CDK13: variants seen among roughly 807,000 people sequenced by gnomAD.
The protein encoded by CDK13 is cyclin-dependent kinase 13.
CDK13 carries 40 observed loss-of-function variants against 137.6 expected under a neutral mutation model. That is an observed-to-expected ratio of 0.29 (90% CI 0.23 to 0.38). CDK13 has a LOEUF of 0.38. Among genes scored for constraint, CDK13 ranks in the 10% least tolerant of loss-of-function variants. The probability of loss-of-function intolerance (pLI) is 1.00; values close to 1 mark genes in which losing one functional copy is unlikely to be tolerated. For missense variants in CDK13, 1,704 were observed against 1,951.8 expected (o/e 0.87, Z 2.39); for synonymous variants, 869 against 760.1 (o/e 1.14, Z -2.36).
chr7:40,065,236 C>G (rs1060818), intron 9 of CDK13, among the ~76,000 whole-genome samples: 17,092 of 151,754 alleles, frequency 0.11, 1,099 homozygotes, highest in Middle Eastern at 0.16. Context: ...ATACTATAGG[C>G]TAAATTCTCT....
intron 5 of CDK13, among the ~76,000 whole-genome samples, chr7:40,037,123 T>C (rs569778143): frequency 6.7e-4 from 102 of 152,356 alleles, no homozygotes; most frequent in Non-Finnish European, 3.4e-4. Flanking sequence ...ATCCCTCTTT[T>C]TTCCTCTAAA....
At chr7:40,034,187 AC>A (rs1785436364) in intron 5 of CDK13, among the ~76,000 whole-genome samples, 1 of 152,012 alleles carries the variant, frequency 6.6e-6, no homozygotes, top group Admixed American at 6.6e-5. Context: ...TTCACACTGA[AC>A]CTCCAGCTTG....
At position 39,969,714 on chromosome 7, in the gene CDK13, T is replaced by A. The variant is rs1316419969; in HGVS notation, c.1211+17862T>A. On this transcript the variant is annotated intron_variant, in intron 1 of 13. Transcript: ENST00000181839. ...CTTTGATTTTAGCCATTCTAGTGGA[T>A]GTGTATTGGTATCTCATTGTGGTTT... Among the ~76,000 whole-genome samples the A allele has an allele frequency of 3.3e-5, 5 of 152,222 alleles. No homozygotes were observed. In the East Asian group the frequency reaches 9.6e-4, roughly 29 times the overall value.
intron 9 of CDK13, chr7:40,072,896 G>T (rs1391072115): frequency 6.6e-6 from 1 of 152,118 alleles, no homozygotes; most frequent in Non-Finnish European, 1.5e-5. Context: ...GATGATGATG[G>T]TTATAGAAGT....
chr7:40,090,781 A>C (rs1240585723), intron 12 of CDK13, among the ~76,000 whole-genome samples: 1 of 152,214 alleles, frequency 6.6e-6, no homozygotes, highest in Non-Finnish European at 1.5e-5. Flanking sequence ...TGAAGCAGGA[A>C]AGATTGCTTG....
At chr7:40,073,893 CT>C (rs949573205) in intron 9 of CDK13, among the ~76,000 whole-genome samples, 2 of 140,032 alleles carry the variant, frequency 1.4e-5, no homozygotes, top group Non-Finnish European at 3.1e-5. Context: ...CCTGGCCTTT[CT>C]TTTTTTCCTT....
intron 7 of CDK13, among the ~76,000 whole-genome samples, chr7:40,053,366 T>A (rs1785935560): frequency 6.6e-6 from 1 of 152,186 alleles, no homozygotes; most frequent in Non-Finnish European, 1.5e-5. Flanking sequence ...AGTTAAAGGT[T>A]TCCAGTCACC....
rs780866053 is a variant in CDK13 at position 39,987,849 on chromosome 7, A to G, written c.1462A>G (p.Lys488Glu). The G allele has an allele frequency of 5.2e-5, 84 of 1,614,100 alleles. No homozygotes were observed. The highest frequency in any genetic ancestry group is 6.5e-5 in the Non-Finnish European group (77 of 1,180,052). Residue 488 changes from lysine to glutamate, a missense_variant, in exon 2 of 14, where the codon AAA becomes GAA. Transcript: ENST00000181839. ...KAAEAAAKAA[K>E]ASNTSTPTKG... ...TGCTGAGGCTGCTGCCAAGGCTGCAAAAGCTTCAAACACTTCTACACCTAC... is the reference window on the plus strand; with the variant it reads ...TGCTGAGGCTGCTGCCAAGGCTGCAGAAGCTTCAAACACTTCTACACCTAC...
At position 40,088,147 on chromosome 7, in the gene CDK13, T is replaced by C. The variant is rs766568233; in HGVS notation, c.3051T>C (p.Cys1017=). 2 of 1,613,848 alleles carry C rather than the reference T, an allele frequency of 1.2e-6. No homozygotes were observed. The highest frequency in any genetic ancestry group is 2.2e-5 in the East Asian group (1 of 44,870). Residue 1017 remains cysteine, a synonymous_variant, in exon 12 of 14, where the codon TGT becomes TGC. Coordinates refer to ENST00000181839, the MANE Select transcript of CDK13 (RefSeq NM_003718.5). The part of the protein sequence containing the change: ...PPPDLPLWQD[C]HELWSKKRRR... Reference sequence around the variant, plus strand: ...TCAGTCTCCCTTTATGGCAAGATTGTCATGAGTTATGGAGTAAAAAGCGAA... The same window carrying C: ...TCAGTCTCCCTTTATGGCAAGATTGCCATGAGTTATGGAGTAAAAAGCGAA...
At chr7:40,063,386 G>T (rs560174174) in intron 9 of CDK13, among the ~76,000 whole-genome samples, 1 of 152,202 alleles carries the variant, frequency 6.6e-6, no homozygotes, top group East Asian at 1.9e-4. Flanking sequence ...GATAAGACTG[G>T]CAAGGAAGAG....
intron 5 of CDK13, among the ~76,000 whole-genome samples, chr7:40,026,637 A>G (rs139915929): frequency 9.6e-4 from 146 of 152,366 alleles, no homozygotes; most frequent in African/African-American, 3.4e-3. Context: ...TACTTAAAGC[A>G]GTTTTTGTTC....
intron 1 of CDK13, among the ~76,000 whole-genome samples, chr7:39,958,653 A>G (rs1787501572): frequency 6.6e-6 from 1 of 152,074 alleles, no homozygotes; most frequent in Non-Finnish European, 1.5e-5. Flanking sequence ...ATATAGCATA[A>G]ATTGTTTGGC....
At chr7:39,988,925 TACAAAAA>T (rs1784398701) in intron 2 of CDK13, among the ~76,000 whole-genome samples, 1 of 151,266 alleles carries the variant, frequency 6.6e-6, no homozygotes, top group Non-Finnish European at 1.5e-5. Context: ...CTACTAAAAA[TACAAAAA>T]ACTTAGCTGG....
In CDK13 at chr7:39,983,593, T is replaced by C. The variant is rs536140222; in HGVS notation, c.1212-4006T>C. Among the ~76,000 whole-genome samples, 9 of 152,304 alleles carry C rather than the reference T, an allele frequency of 5.9e-5. No homozygotes were observed. The East Asian group carries it at 9.6e-4, about 16-fold the overall frequency. On this transcript the variant is annotated intron_variant, in intron 1 of 13. Transcript: ENST00000181839. ...ACTGATTGTAAATTTCAATTAAATATAGTTTATGTGTCTGAATGAAATTGA... is the reference window on the plus strand; with the variant it reads ...ACTGATTGTAAATTTCAATTAAATACAGTTTATGTGTCTGAATGAAATTGA...
At chr7:40,093,329 A>G in intron 13 of CDK13, 92 bp downstream of exon 13, 2 of 1,072,620 alleles carry the variant, frequency 1.9e-6, no homozygotes, top group Non-Finnish European at 2.6e-6. Context: ...GTTCAGTGAC[A>G]TTGCCAAAAG....
chr7:39,997,407 C>A, intron 2 of CDK13, 87 bp from the exon 3 acceptor site: 6 of 980,082 alleles, frequency 6.1e-6, no homozygotes, highest in Non-Finnish European at 9.5e-6. Context: ...ATATTCATGA[C>A]TATTGCTACT....
intron 1 of CDK13, chr7:39,984,052 C>A (rs1339786473): frequency 6.6e-6 from 1 of 152,078 alleles, no homozygotes; most frequent in Admixed American, 6.6e-5. Flanking sequence ...ACCTAATCAT[C>A]ATTTTGTTTT....
chr7:39,990,865 A>G lies in CDK13; in HGVS notation c.1871+2607A>G, dbSNP rs544335576. Among the ~76,000 whole-genome samples the G allele has an allele frequency of 4.6e-5, 7 of 152,392 alleles. No homozygotes were observed. The East Asian group carries it at 1.3e-3, about 29-fold the overall frequency. Reference sequence around the variant, plus strand: ...CTCAGTTATTGTAATTAGTCATAGTATAAATCAGCACTGCTGGAAATACTA... The same window carrying G: ...CTCAGTTATTGTAATTAGTCATAGTGTAAATCAGCACTGCTGGAAATACTA... On this transcript the variant is annotated intron_variant, in intron 2 of 13. Transcript: ENST00000181839.
At chr7:40,022,858 C>CTTT (rs200053217) in intron 5 of CDK13, among the ~76,000 whole-genome samples, 97 of 134,672 alleles carry the variant, frequency 7.2e-4, no homozygotes, top group African/African-American at 2.3e-3. Context: ...TTTTCGTCTT[C>CTTT]TTTTTTTTTT....
Sources: gnomAD v4.1 joint callset for allele counts (sites outside exome capture counted in the v4.1 genomes callset) on GRCh38, gnomAD v4.1.1 for gene constraint, MANE v1.5 for transcripts, NCBI Gene and HGNC (gene_info 2026-07-23, HGNC 2026-07-21) for gene names.